Variants in UGT8 observed in about 807,000 individuals in gnomAD.
UGT8 encodes the protein UDP glycosyltransferase 8.
UGT8 carries 12 observed loss-of-function variants against 40.5 expected under a neutral mutation model. The observed-to-expected ratio is 0.30, with a 90% CI of 0.19 to 0.48. UGT8 has a LOEUF of 0.48. UGT8 is among the 20% of genes least tolerant of loss of function. The probability of loss-of-function intolerance (pLI) is 0.99; values close to 1 mark genes in which losing one functional copy is unlikely to be tolerated. For synonymous variants in UGT8, 224 were observed against 240.4 expected (o/e 0.93, Z 0.63); for missense variants, 513 against 648.7 (o/e 0.79, Z 2.27).
chr4:114,670,345 G>A (rs1735162043), intron 5 of UGT8, among the ~76,000 whole-genome samples: 1 of 149,974 alleles, frequency 6.7e-6, no homozygotes, highest in African/African-American at 2.5e-5. Context: ...GCAGGAGAAT[G>A]GCGTGAACCT....
rs141293245 is a variant in UGT8, at chr4:114,599,833, C to T, written c.-3+859C>T. Among the ~76,000 whole-genome samples, 1,220 of 152,230 alleles carry T rather than the reference C, an allele frequency of 8.0e-3. 12 individuals are homozygous for T. The highest frequency in any genetic ancestry group is 0.017 in the Middle Eastern group (5 of 294). On this transcript the variant is annotated intron_variant, in intron 1 of 5. Coordinates refer to ENST00000310836, the MANE Select transcript of UGT8 (RefSeq NM_001128174.3). ...AGGAGGCAAACCGCATCGGAGAGTG[C>T]AAGTAGATGCAGTGCGTCGGGGCAA...
At chr4:114,665,443 T>C (rs1734801169) in intron 3 of UGT8, 2 of 985,408 alleles carry the variant, frequency 2.0e-6, no homozygotes, top group African/African-American at 1.7e-5. Flanking sequence ...GAGGAACCAA[T>C]GGAAAATAGA....
chr4:114,603,544 G>GTTAGGAGGGTGTAAC (rs892876046), intron 1 of UGT8, among the ~76,000 whole-genome samples: 1 of 152,104 alleles, frequency 6.6e-6, no homozygotes, highest in Admixed American at 6.5e-5. Context: ...CAAGAGGAGA[G>GTTAGGAGGGTGTAAC]TTAGGAGGGT....
chr4:114,607,911 C>T (rs1730828022), intron 1 of UGT8, among the ~76,000 whole-genome samples: 2 of 152,284 alleles, frequency 1.3e-5, no homozygotes, highest in South Asian at 4.1e-4. Context: ...CTTCCATCAC[C>T]TCCTACTGCC....
chr4:114,639,589 G>A (rs1324035697), intron 2 of UGT8, among the ~76,000 whole-genome samples: 1 of 152,170 alleles, frequency 6.6e-6, no homozygotes, highest in East Asian at 1.9e-4. Context: ...TGAGCATGGT[G>A]CCTTTTGGAA....
At chr4:114,670,228 G>A (rs945816567) in intron 5 of UGT8, among the ~76,000 whole-genome samples, 11 of 151,504 alleles carry the variant, frequency 7.3e-5, no homozygotes, top group Non-Finnish European at 1.2e-4. Flanking sequence ...TCAGGAGATC[G>A]AGACCATCCT....
chr4:114,664,175 A>G (rs756325859), intron 3 of UGT8, 38 bp downstream of exon 3: 39 of 1,606,444 alleles, frequency 2.4e-5, no homozygotes, highest in Non-Finnish European at 3.1e-5. Context: ...TGCTATTGAC[A>G]ATCAATATCT....
At chr4:114,666,080 A>G (rs1734851490) in intron 4 of UGT8, among the ~76,000 whole-genome samples, 1 of 152,150 alleles carries the variant, frequency 6.6e-6, no homozygotes, top group South Asian at 2.1e-4. Flanking sequence ...GATTATACCT[A>G]ATTAGAGTAA....
intron 2 of UGT8, among the ~76,000 whole-genome samples, chr4:114,651,860 T>C (rs1733912950): frequency 6.6e-6 from 1 of 152,148 alleles, no homozygotes; most frequent in Non-Finnish European, 1.5e-5. Flanking sequence ...TAAACTCTTA[T>C]GAGTTGATGG....
Position 114,675,914 on chromosome 4 carries a change from C to G in UGT8, c.1263-11C>G. 6.3e-7 allele frequency: 1 copy of G among 1,599,120 alleles called. No individual in the cohort carries two copies. The highest frequency in any genetic ancestry group is 8.5e-7 in the Non-Finnish European group (1 of 1,172,004). ...AGCATCATCATTCTGTGTTTTGTCC[C>G]CTCTCCATAGCTACCGTCAGAGGGC... is the stretch of plus-strand genomic sequence containing the variant. On this transcript the variant is annotated splice_polypyrimidine_tract_variant and intron_variant, in intron 5 of 5. Coordinates refer to ENST00000310836, the MANE Select transcript of UGT8 (RefSeq NM_001128174.3).
rs1320928994 is a variant in UGT8 at position 114,623,286 on chromosome 4, C to T, written c.406C>T (p.Leu136=). 2.5e-6 allele frequency: 4 copies of T among 1,614,066 alleles called. No homozygotes were observed. The South Asian group carries it at 4.4e-5, about 18-fold the overall frequency. Residue 136 remains leucine (L), a synonymous_variant, in exon 2 of 6, where the codon CTG becomes TTG. Coordinates refer to ENST00000310836, the MANE Select transcript of UGT8 (RefSeq NM_001128174.3). ...GLKKEKFDLL[L]VDPNDMCGFV... ...GAAGAAAGAAAAATTTGACCTGCTG[C>T]TGGTGGACCCTAATGATATGTGTGG...
At chr4:114,607,633 C>T (rs778681461) in intron 1 of UGT8, among the ~76,000 whole-genome samples, 50 of 152,274 alleles carry the variant, frequency 3.3e-4, no homozygotes, top group African/African-American at 8.4e-4. Flanking sequence ...TTCTTCTATA[C>T]TCTCAAGAGC....
intron 5 of UGT8, among the ~76,000 whole-genome samples, chr4:114,670,430 C>CA (rs70964319): frequency 0.84 from 48,523 of 57,468 alleles, 21,897 homozygotes; most frequent in South Asian, 0.95. Context: ...GACTCTGTCT[C>CA]AAAAAAAAAA....
chr4:114,637,024 T>C (rs1732927190), intron 2 of UGT8, among the ~76,000 whole-genome samples: 1 of 152,158 alleles, frequency 6.6e-6, no homozygotes, highest in Admixed American at 6.5e-5. Flanking sequence ...ATACTGAAAT[T>C]GGAGGTCTAG....
At position 114,676,628 on chromosome 4, in the gene UGT8, T is replaced by C; in HGVS notation, c.*340T>C. On this transcript the variant is annotated 3_prime_UTR_variant, in exon 6 of 6. Transcript: ENST00000310836. Reference sequence around the variant, plus strand: ...GGAATGGTTTCATTTTTCTTAATAATGTGTGTGTGTGTATGTGTGTGTGTG... The same window carrying C: ...GGAATGGTTTCATTTTTCTTAATAACGTGTGTGTGTGTATGTGTGTGTGTG... The C allele has an allele frequency of 4.7e-6, 1 of 211,294 alleles. No individual in the cohort carries two copies. Among genetic ancestry groups the C allele is most frequent in the Non-Finnish European group, 9.4e-6 (1 of 106,416 alleles). 13.1% of individuals were successfully genotyped at this position (211,294 alleles called of 1,614,324 possible).
At chr4:114,633,268 G>A (rs1225940044) in intron 2 of UGT8, among the ~76,000 whole-genome samples, 1 of 152,146 alleles carries the variant, frequency 6.6e-6, no homozygotes, top group African/African-American at 2.4e-5. Flanking sequence ...AAATAATAAA[G>A]ATGTAAACAA....
rs577282562 is a variant in UGT8, at chr4:114,644,516, C to T, written c.823-19479C>T. 2.6e-5 allele frequency among the ~76,000 whole-genome samples: 4 copies of T among 152,240 alleles called. No homozygotes were observed. The South Asian group carries it at 8.3e-4, about 32-fold the overall frequency. On this transcript the variant is annotated intron_variant, in intron 2 of 5. Coordinates refer to ENST00000310836, the MANE Select transcript of UGT8 (RefSeq NM_001128174.3). ...ACATTGAAATGCAATGATTCTTTTA[C>T]TCACCTTTCCCTGCTTGGACTGTGA... is the stretch of plus-strand genomic sequence containing the variant.
chr4:114,600,554 G>A (rs1204413571), intron 1 of UGT8, among the ~76,000 whole-genome samples: 2 of 152,152 alleles, frequency 1.3e-5, no homozygotes, highest in East Asian at 1.9e-4. Context: ...CATGTGAAGG[G>A]TTGTTACATA....
chr4:114,665,718 C>G lies in UGT8; in HGVS notation c.1004C>G (p.Thr335Ser). Residue 335 changes from threonine (T) to serine (S), a missense_variant, in exon 4 of 6, where the codon ACT (threonine) becomes AGT (serine). Thr to Ser is a moderately conservative substitution (Grantham distance 58). Around this residue, in one of 3 missense-constraint regions of UGT8, gnomAD observed 335 missense variants for 444.8 expected, o/e 0.75. Coordinates refer to ENST00000310836, the MANE Select transcript of UGT8 (RefSeq NM_001128174.3). ...AAACCAAAGAATCTAGGAAACAACA[C>G]TAAACTCATAGAATGGTTACCACAA... is the stretch of plus-strand genomic sequence containing the variant. ...GPKPKNLGNN[T>S]KLIEWLPQND... 1 of 1,610,406 alleles carries G rather than the reference C, an allele frequency of 6.2e-7. No individual in the cohort carries two copies.
Sources: allele counts gnomAD v4.1 joint callset (sites outside exome capture counted in the v4.1 genomes callset), GRCh38; gene constraint gnomAD v4.1.1; regional missense constraint gnomAD v4.1.1; transcripts MANE v1.5; gene names NCBI Gene and HGNC (gene_info 2026-07-23, HGNC 2026-07-21).